NAALADL2: variants seen among roughly 807,000 people sequenced by gnomAD.
NAALADL2 encodes inactive N-acetylated-alpha-linked acidic dipeptidase-like protein 2.
Under a neutral mutation model 87.2 loss-of-function variants are expected in NAALADL2, and 76 were observed. The observed-to-expected ratio is 0.87, with a 90% CI of 0.72 to 1.05. NAALADL2 has a LOEUF of 1.05. Among genes scored for constraint, NAALADL2 ranks in the 50% least tolerant of loss-of-function variants. The pLI is 0.00. For synonymous variants in NAALADL2, 354 were observed against 331.0 expected, an observed-to-expected ratio of 1.07 and a Z score of -0.75; for missense variants, 1,089 against 945.8, an observed-to-expected ratio of 1.15 and a Z score of -1.99.
chr3:175,274,584 G>A (rs1219219080), intron 4 of NAALADL2, among the ~76,000 whole-genome samples: 1 of 152,128 alleles, frequency 6.6e-6, no homozygotes, highest in African/African-American at 2.4e-5. Flanking sequence ...ATTAACCAGT[G>A]AGAAAAGGGA....
At chr3:174,600,389 A>T (rs981687991) in intron 2 of NAALADL2, among the ~76,000 whole-genome samples, 1 of 152,140 alleles carries the variant, frequency 6.6e-6, no homozygotes, top group East Asian at 1.9e-4. Context: ...TACTGTTTAC[A>T]ATATACCTTC....
At chr3:175,318,857 AATGTC>A (rs1334180020) in intron 4 of NAALADL2, among the ~76,000 whole-genome samples, 1 of 152,178 alleles carries the variant, frequency 6.6e-6, no homozygotes. Flanking sequence ...ACTTTTTGAG[AATGTC>A]ATGTACATGG....
At chr3:175,379,979 C>T (rs928483514) in intron 5 of NAALADL2, among the ~76,000 whole-genome samples, 1 of 152,016 alleles carries the variant, frequency 6.6e-6, no homozygotes, top group Non-Finnish European at 1.5e-5. Flanking sequence ...TGTTCTCACT[C>T]ATAGGTGGGA....
chr3:175,543,798 T>A (rs1712807392), intron 9 of NAALADL2, among the ~76,000 whole-genome samples: 1 of 152,176 alleles, frequency 6.6e-6, no homozygotes. Context: ...CACCAGATAA[T>A]TAATGGTAAG....
At chr3:175,618,714 A>G (rs1347777685) in intron 10 of NAALADL2, among the ~76,000 whole-genome samples, 4 of 152,016 alleles carry the variant, frequency 2.6e-5, no homozygotes, top group South Asian at 2.1e-4. Flanking sequence ...TTTTTTCCCT[A>G]TATTACCAGG....
At chr3:174,839,972 A>G (rs962380970) in intron 3 of NAALADL2, among the ~76,000 whole-genome samples, 1 of 152,272 alleles carries the variant, frequency 6.6e-6, no homozygotes, top group Admixed American at 6.5e-5. Context: ...AAGTAGAACT[A>G]CCATTTGATC....
chr3:175,116,452 G>A (rs1257605498), intron 2 of NAALADL2, among the ~76,000 whole-genome samples: 1 of 150,370 alleles, frequency 6.7e-6, no homozygotes, highest in Non-Finnish European at 1.5e-5. Context: ...GACAAACAGA[G>A]AGCCAAATCA....
chr3:175,009,517 C>G (rs761823597), intron 1 of NAALADL2, among the ~76,000 whole-genome samples: 24 of 152,004 alleles, frequency 1.6e-4, no homozygotes, highest in Non-Finnish European at 3.4e-4. Flanking sequence ...GTATTATTAC[C>G]CATGTAACTA....
At chr3:175,303,606 A>T (rs1189376647) in intron 4 of NAALADL2, among the ~76,000 whole-genome samples, 1 of 152,200 alleles carries the variant, frequency 6.6e-6, no homozygotes, top group Non-Finnish European at 1.5e-5. Context: ...TTGTATAAAA[A>T]TTCAGTTATC....
At chr3:175,432,617 C>T (rs182420301) in intron 5 of NAALADL2, among the ~76,000 whole-genome samples, 1 of 152,060 alleles carries the variant, frequency 6.6e-6, no homozygotes, top group Admixed American at 6.6e-5. Context: ...ATTCTTTTGC[C>T]TGGAATCAGC....
chr3:175,017,962 T>C (rs1346063436), intron 1 of NAALADL2, among the ~76,000 whole-genome samples: 1 of 151,988 alleles, frequency 6.6e-6, no homozygotes, highest in Non-Finnish European at 1.5e-5. Flanking sequence ...GTGGCAAGCA[T>C]ATGAAAGGTG....
At chr3:175,577,733 G>A (rs1216944993) in intron 10 of NAALADL2, among the ~76,000 whole-genome samples, 1 of 152,134 alleles carries the variant, frequency 6.6e-6, no homozygotes, top group Non-Finnish European at 1.5e-5. Flanking sequence ...TGACCTTGTT[G>A]ATATTGCTTT....
intron 3 of NAALADL2, among the ~76,000 whole-genome samples, chr3:174,810,406 T>C (rs936002286): frequency 6.6e-6 from 1 of 152,066 alleles, no homozygotes; most frequent in Non-Finnish European, 1.5e-5. Flanking sequence ...AGGAACTTAC[T>C]AAGAAGTGGA....
intron 1 of NAALADL2, among the ~76,000 whole-genome samples, chr3:174,486,235 A>C (rs573784404): frequency 6.6e-6 from 1 of 152,180 alleles, no homozygotes; most frequent in African/African-American, 2.4e-5. Flanking sequence ...CTCTGGTTAA[A>C]TAGTTTCTCC....
At chr3:175,487,695 GT>G in intron 9 of NAALADL2, 1 of 325,380 alleles carries the variant, frequency 3.1e-6, no homozygotes, top group South Asian at 2.5e-5. Flanking sequence ...AGAATTATTA[GT>G]ACAATGTCTT....
At chr3:175,126,555 G>A (rs1271813508) in intron 2 of NAALADL2, among the ~76,000 whole-genome samples, 1 of 152,062 alleles carries the variant, frequency 6.6e-6, no homozygotes, top group African/African-American at 2.4e-5. Flanking sequence ...TATTTCAAAT[G>A]AACACATGTA....
chr3:174,900,758 T>TA (rs1266781925), intron 1 of NAALADL2, among the ~76,000 whole-genome samples: 1 of 151,986 alleles, frequency 6.6e-6, no homozygotes, highest in Non-Finnish European at 1.5e-5. Context: ...ACTGGCTACT[T>TA]AAAAAAATTA....
chr3:175,803,547 G>T lies in NAALADL2; in HGVS notation c.*344G>T. ...TTGTTCCTATGGGGAGGGCATATAG[G>T]AACACAGTTTATTCTCTCTGATAGA... On this transcript the variant is annotated 3_prime_UTR_variant, in exon 14 of 14. Coordinates refer to ENST00000454872, the MANE Select transcript of NAALADL2 (RefSeq NM_207015.3). 1 of 167,234 alleles carries T rather than the reference G, an allele frequency of 6.0e-6. No individual in the cohort carries two copies. Among genetic ancestry groups the T allele is most frequent in the South Asian group, 1.6e-4 (1 of 6,222 alleles). 10.4% of individuals were successfully genotyped at this position (167,234 alleles called of 1,614,324 possible). A position where few individuals can be genotyped will look rare whatever the true frequency, so the allele number is the denominator to read the frequency against.
chr3:174,797,229 G>A (rs147525429), intron 3 of NAALADL2, among the ~76,000 whole-genome samples: 9 of 151,472 alleles, frequency 5.9e-5, no homozygotes, highest in Admixed American at 1.3e-4. Flanking sequence ...TTCCCCAGGC[G>A]GCTTCATCAA....
Sources: gnomAD v4.1 joint callset for allele counts (sites outside exome capture counted in the v4.1 genomes callset) on GRCh38, gnomAD v4.1.1 for gene constraint, MANE v1.5 for transcripts, NCBI Gene and HGNC (gene_info 2026-07-23, HGNC 2026-07-21) for gene names.